The following EYS variants were observed in gnomAD, a reference collection of about 807,000 sequenced individuals.
EYS encodes the protein EGF-like photoreceptor maintenance factor.
A neutral mutation model predicts 282.1 loss-of-function variants in EYS; 250 were observed. The ratio of observed to expected loss-of-function variants is 0.89; its 90% CI spans 0.80 to 0.98. The LOEUF is 0.98. EYS is among the 50% of genes least tolerant of loss of function. The pLI, the probability that EYS is intolerant of heterozygous loss-of-function variation, is 0.00. For missense variants in EYS, 4,016 were observed against 3,709.0 expected (o/e 1.08, Z -2.15); for synonymous variants, 1,355 against 1,282.9 (o/e 1.06, Z -1.20).
intron 11 of EYS, among the ~76,000 whole-genome samples, chr6:65,297,936 G>C (rs183586881): frequency 6.6e-6 from 1 of 152,074 alleles, no homozygotes; most frequent in Non-Finnish European, 1.5e-5. Flanking sequence ...GTTCTGATTG[G>C]GGTGGTAGAT....
intron 36 of EYS, among the ~76,000 whole-genome samples, chr6:63,843,938 A>T (rs1246525838): frequency 1.3e-5 from 2 of 152,148 alleles, no homozygotes; most frequent in Non-Finnish European, 2.9e-5. Context: ...GGTTTGCTGC[A>T]CAGATCAACC....
At chr6:64,348,536 A>G (rs1771500169) in intron 29 of EYS, among the ~76,000 whole-genome samples, 1 of 151,470 alleles carries the variant, frequency 6.6e-6, no homozygotes, top group Non-Finnish European at 1.5e-5. Flanking sequence ...ATTCTGTGGT[A>G]AAGTATTCGG....
intron 19 of EYS, among the ~76,000 whole-genome samples, chr6:64,843,359 A>G (rs748804773): frequency 6.6e-6 from 1 of 152,158 alleles, no homozygotes; most frequent in Non-Finnish European, 1.5e-5. Context: ...GACCTGGAAA[A>G]GCCTCAGACA....
At chr6:65,491,335 A>G (rs1455643951) in intron 4 of EYS, 1 of 280,832 alleles carries the variant, frequency 3.6e-6, no homozygotes, top group East Asian at 8.5e-5. Context: ...CATTCTATGC[A>G]TATTTAATCA....
intron 22 of EYS, among the ~76,000 whole-genome samples, chr6:64,724,901 C>A (rs987970467): frequency 1.3e-5 from 2 of 151,168 alleles, no homozygotes; most frequent in Non-Finnish European, 2.9e-5. Flanking sequence ...ATGGAAAGAA[C>A]AACTTAATCT....
chr6:63,769,236 C>A (rs150174688), intron 40 of EYS, among the ~76,000 whole-genome samples: 66 of 151,994 alleles, frequency 4.3e-4, no homozygotes, highest in Middle Eastern at 6.8e-3. Flanking sequence ...TTGAAAAAAA[C>A]CCCACTTTTA....
intron 12 of EYS, among the ~76,000 whole-genome samples, chr6:65,129,056 G>A (rs1397614011): frequency 6.6e-6 from 1 of 151,966 alleles, no homozygotes; most frequent in Non-Finnish European, 1.5e-5. Flanking sequence ...AATAATCAAT[G>A]AGGAGAAGAC....
chr6:64,709,412 C>T (rs953100155), intron 22 of EYS, among the ~76,000 whole-genome samples: 2 of 152,084 alleles, frequency 1.3e-5, no homozygotes, highest in African/African-American at 2.4e-5. Flanking sequence ...GATGACATTA[C>T]ACCTTCTTTA....
chr6:65,332,285 T>C (rs973062830), intron 11 of EYS: 13 of 701,372 alleles, frequency 1.9e-5, no homozygotes, highest in South Asian at 4.7e-5. Flanking sequence ...TATTGATACA[T>C]TAAATTACAT....
intron 14 of EYS, among the ~76,000 whole-genome samples, chr6:64,977,802 A>C (rs749833792): frequency 6.6e-6 from 1 of 151,916 alleles, no homozygotes; most frequent in East Asian, 1.9e-4. Flanking sequence ...AAGATCAAAT[A>C]AGTCATGATA....
chr6:64,610,952 C>G (rs1767094672), intron 24 of EYS, among the ~76,000 whole-genome samples: 1 of 152,030 alleles, frequency 6.6e-6, no homozygotes, highest in South Asian at 2.1e-4. Flanking sequence ...TAGAAATGCT[C>G]AGAACACACA....
At chr6:64,139,031 G>A (rs1774253933) in intron 31 of EYS, among the ~76,000 whole-genome samples, 1 of 152,090 alleles carries the variant, frequency 6.6e-6, no homozygotes, top group South Asian at 2.1e-4. Flanking sequence ...CTAGGATCTA[G>A]ATAAAGAGTT....
In EYS at chr6:64,938,445, CTT is replaced by C. The variant is rs1214263832; in HGVS notation, c.2381+7346_2381+7347del. 3.3e-5 allele frequency among the ~76,000 whole-genome samples: 5 copies of C among 151,474 alleles called. 1 individual carries two copies. The highest frequency in any genetic ancestry group is 7.4e-5 in the Non-Finnish European group (5 of 67,652). On this transcript the variant is annotated intron_variant, in intron 15 of 42. Coordinates refer to ENST00000503581, the MANE Select transcript of EYS (RefSeq NM_001142800.2). Reference sequence around the variant, plus strand: ...GTTGTTAATCTCTTAATGTGCCTAACTTATATTTAAACTTCACCATAGTTATA... The same window carrying C: ...GTTGTTAATCTCTTAATGTGCCTAACATATTTAAACTTCACCATAGTTATA...
chr6:63,781,276 T>A (rs1582201051), intron 39 of EYS, among the ~76,000 whole-genome samples: 1 of 152,226 alleles, frequency 6.6e-6, no homozygotes, highest in South Asian at 2.1e-4. Flanking sequence ...TTTTTTCCAA[T>A]TTTGTGAAGA....
At chr6:65,537,197 G>T (rs906193008) in intron 2 of EYS, among the ~76,000 whole-genome samples, 2 of 152,090 alleles carry the variant, frequency 1.3e-5, no homozygotes, top group African/African-American at 2.4e-5. Flanking sequence ...GTGCCTGTCA[G>T]GGGGCAGGGG....
intron 19 of EYS, among the ~76,000 whole-genome samples, chr6:64,864,587 T>A (rs77336796): frequency 0.1 from 13,793 of 133,748 alleles, 823 homozygotes; most frequent in East Asian, 0.41. Flanking sequence ...GGATTCACCA[T>A]GTTGGCTACG....
At chr6:65,418,514 A>G (rs576793265) in intron 5 of EYS, among the ~76,000 whole-genome samples, 76 of 152,248 alleles carry the variant, frequency 5.0e-4, no homozygotes, top group African/African-American at 1.6e-3. Context: ...AATGTGGTAC[A>G]TAAACACCAT....
intron 26 of EYS, among the ~76,000 whole-genome samples, chr6:64,535,026 C>T (rs1247991123): frequency 2.0e-5 from 3 of 152,078 alleles, no homozygotes; most frequent in East Asian, 1.9e-4. Flanking sequence ...CTTGCCTGTC[C>T]TTGTTCATTG....
At chr6:64,599,226 A>G (rs664458) in intron 24 of EYS, among the ~76,000 whole-genome samples, 18,620 of 152,156 alleles carry the variant, frequency 0.12, 1,171 homozygotes, top group East Asian at 0.16. Context: ...GATAATATAC[A>G]CTCAATGGAG....
Sources: gnomAD v4.1 joint callset for allele counts (sites outside exome capture counted in the v4.1 genomes callset) on GRCh38, gnomAD v4.1.1 for gene constraint, MANE v1.5 for transcripts, NCBI Gene and HGNC (gene_info 2026-07-23, HGNC 2026-07-21) for gene names.